The following CREBBP variants were observed in gnomAD, a reference collection of about 807,000 sequenced individuals.
The protein encoded by CREBBP is CREB-binding protein.
CREBBP carries 19 observed loss-of-function variants against 265.0 expected under a neutral mutation model. The observed-to-expected ratio is 0.07, with a 90% CI of 0.05 to 0.11. The LOEUF is 0.11. Among genes scored for constraint, CREBBP ranks in the 10% least tolerant of loss-of-function variants. CREBBP has a pLI of 1.00. For missense variants in CREBBP, 2,525 were observed against 3,219.0 expected, an observed-to-expected ratio of 0.78 and a Z score of 5.22; for synonymous variants, 1,457 against 1,223.7, an observed-to-expected ratio of 1.19 and a Z score of -3.98.
chr16:3,814,199 GAGACAGAGTCTCGTTC>G (rs2053992424), intron 2 of CREBBP, among the ~76,000 whole-genome samples: 8 of 144,432 alleles, frequency 5.5e-5, no homozygotes, highest in African/African-American at 1.9e-4. Context: ...GTGTGTGTTT[GAGACAGAGTCTCGTTC>G]TGTGTGTGTG....
Position 3,728,427 on chromosome 16 carries a change from T to G in CREBBP, c.6620A>C (p.Gln2207Pro), listed in dbSNP as rs2151302735. Residue 2207 changes from glutamine (Q) to proline (P), a missense_variant, in exon 31 of 31, where the codon CAA (glutamine) becomes CCA (proline). Gln to Pro is a moderately conservative substitution (Grantham distance 76). This residue lies in a region of CREBBP where 473 missense variants were observed against 459.3 expected (regional missense o/e 1.03). Coordinates refer to ENST00000262367, the MANE Select transcript of CREBBP (RefSeq NM_004380.3). This position sits in a 1 kb window ranked among gnomAD's most constrained non-coding sequence, Gnocchi z 8.7. ...CTGCTGCTGCTGTTGCTGCTGTTGT[T>G]GCTGCTGCTGTTGCTGCTGCTGCTG... ...LLQQQQQQQQQQQQQQQQQQG... is the reference protein window; with the variant it reads ...LLQQQQQQQQPQQQQQQQQQG... The G allele has an allele frequency of 6.2e-7, 1 of 1,612,574 alleles. No individual in the cohort carries two copies.
chr16:3,830,031 G>C (rs139455573), intron 2 of CREBBP, among the ~76,000 whole-genome samples: 2 of 152,266 alleles, frequency 1.3e-5, no homozygotes, highest in East Asian at 3.9e-4. Flanking sequence ...ACAATTAAAA[G>C]ACTAAGGTTA....
chr16:3,810,476 C>T, intron 3 of CREBBP, 127 bp downstream of exon 3: 1 of 1,089,254 alleles, frequency 9.2e-7, no homozygotes, highest in Non-Finnish European at 1.4e-6. Flanking sequence ...CATGAGAAAT[C>T]TGGGTTCTCT....
chr16:3,785,099 C>A (rs2053355228), intron 5 of CREBBP, among the ~76,000 whole-genome samples: 1 of 152,182 alleles, frequency 6.6e-6, no homozygotes, highest in South Asian at 2.1e-4. Context: ...GACACAAATA[C>A]TGAAGGGTAA....
At position 3,850,387 on chromosome 16, in the gene CREBBP, G is replaced by C. The variant is rs1455123577; in HGVS notation, c.708C>G (p.Ser236Arg). ...YPTPAMQGASSSVLAETLTQV... is the reference protein window; with the variant it reads ...YPTPAMQGASRSVLAETLTQV... ...GCGTTAGGGTCTCAGCCAGCACGCT[G>C]CTCGAGGCGCCCTGCATGGCTGGAG... The change falls in exon 2 of 31, where the codon AGC (serine) becomes AGG (arginine). Residue 236 changes from serine to arginine, a missense_variant. Ser to Arg is a moderately radical substitution (Grantham distance 110). Around this residue, in one of 19 missense-constraint regions of CREBBP, gnomAD observed 356 missense variants for 340.4 expected, o/e 1.05. Coordinates refer to ENST00000262367, the MANE Select transcript of CREBBP (RefSeq NM_004380.3). 1.2e-6 allele frequency: 2 copies of C among 1,614,120 alleles called. No homozygotes were observed. The highest frequency in any genetic ancestry group is 1.7e-6 in the Non-Finnish European group (2 of 1,180,050).
intron 1 of CREBBP, among the ~76,000 whole-genome samples, chr16:3,866,436 T>A (rs1464708806): frequency 6.6e-6 from 1 of 152,182 alleles, no homozygotes; most frequent in East Asian, 1.9e-4. Flanking sequence ...TAGGGGTAAT[T>A]TGTACTTTGT....
chr16:3,738,703 G>T (rs770393718), intron 25 of CREBBP, 31 bp from the exon 26 acceptor site: 2 of 1,380,618 alleles, frequency 1.4e-6, no homozygotes, highest in South Asian at 1.2e-5. Flanking sequence ...TTTAACTCAG[G>T]GTATCCCTCA....
intron 13 of CREBBP, chr16:3,773,500 A>C: frequency 1.9e-6 from 1 of 526,822 alleles, no homozygotes; most frequent in Non-Finnish European, 3.4e-6. Context: ...AAAACACAAA[A>C]GCATACAAAC....
At chr16:3,826,212 C>CGGCG (rs2054233924) in intron 2 of CREBBP, among the ~76,000 whole-genome samples, 3 of 152,094 alleles carry the variant, frequency 2.0e-5, no homozygotes, top group Admixed American at 2.0e-4. Flanking sequence ...GACCCAGTCT[C>CGGCG]GGCGGGCGGG....
chr16:3,800,309 G>C (rs2053687229), intron 3 of CREBBP, among the ~76,000 whole-genome samples: 2 of 152,136 alleles, frequency 1.3e-5, no homozygotes, highest in South Asian at 4.1e-4. Flanking sequence ...TGTAGAGACA[G>C]AGTCTTGCCA....
chr16:3,879,620 G>A (rs2055480709), intron 1 of CREBBP, among the ~76,000 whole-genome samples: 4 of 152,292 alleles, frequency 2.6e-5, no homozygotes, highest in Middle Eastern at 6.8e-3. Context: ...CGGGGAGGCC[G>A]AGTGCACCGG....
intron 19 of CREBBP, among the ~76,000 whole-genome samples, chr16:3,752,994 A>G (rs1286634665): frequency 2.6e-5 from 4 of 152,238 alleles, no homozygotes; most frequent in Admixed American, 2.6e-4. Context: ...AGAATAAACA[A>G]GCGGGTGGAG....
chr16:3,726,393 G>A lies in CREBBP; in HGVS notation c.*1325C>T, dbSNP rs1459674157. On this transcript the variant is annotated 3_prime_UTR_variant, in exon 31 of 31. Coordinates refer to ENST00000262367, the MANE Select transcript of CREBBP (RefSeq NM_004380.3). ...CGACAATCACCTGTGAGCCTCGAAT[G>A]TGTGGGGCCAACGCTGAGCCGCCCA... 1 of 233,358 alleles carries A rather than the reference G, an allele frequency of 4.3e-6. No individual in the cohort carries two copies. Among genetic ancestry groups the A allele is most frequent in the Non-Finnish European group, 8.5e-6 (1 of 118,090 alleles). 14.5% of individuals were successfully genotyped at this position (233,358 alleles called of 1,614,324 possible).
At position 3,726,901 on chromosome 16, in the gene CREBBP, TCTC is replaced by T. The variant is rs2051760285; in HGVS notation, c.*814_*816del. ...ACCATTCTATACAGTGATTGAATCT[TCTC>T]GAGTTTCGTATTTATAGGAATTAGA... is the stretch of plus-strand genomic sequence containing the variant. On this transcript the variant is annotated 3_prime_UTR_variant, in exon 31 of 31. Coordinates refer to ENST00000262367, the MANE Select transcript of CREBBP (RefSeq NM_004380.3). The T allele has an allele frequency of 4.3e-6, 1 of 233,518 alleles. No individual in the cohort carries two copies. Among genetic ancestry groups the T allele is most frequent in the African/African-American group, 2.2e-5 (1 of 45,348 alleles). The allele number at this position is 233,518 out of a possible 1,614,324, so 14.5% of individuals were successfully genotyped here. A position where few individuals can be genotyped will look rare whatever the true frequency, so the allele number is the denominator to read the frequency against.
intron 28 of CREBBP, 127 bp downstream of exon 28, chr16:3,735,909 C>T (rs544287374): frequency 1.6e-5 from 24 of 1,473,698 alleles, no homozygotes; most frequent in Admixed American, 8.7e-5. Context: ...CAGGTGGTGT[C>T]GACGTGCATG....
intron 16 of CREBBP, 93 bp from the exon 17 acceptor site, chr16:3,759,065 T>A (rs899404669): frequency 2.0e-6 from 2 of 998,732 alleles, no homozygotes; most frequent in South Asian, 1.3e-5. Flanking sequence ...TGCTGTGACA[T>A]CCCAGCCACG....
chr16:3,861,655 A>C (rs2141546620), intron 1 of CREBBP, among the ~76,000 whole-genome samples: 1 of 140,348 alleles, frequency 7.1e-6, no homozygotes. Flanking sequence ...TCTATACCAA[A>C]AAAAAAAAAA....
At chr16:3,773,998 C>T in intron 12 of CREBBP, 68 bp from the exon 13 acceptor site, 1 of 1,551,316 alleles carries the variant, frequency 6.4e-7, no homozygotes, top group Non-Finnish European at 8.9e-7. Flanking sequence ...CAAGGTGAGC[C>T]AGAATGATCC....
Position 3,736,037 on chromosome 16 carries a change from T to A in CREBBP, c.4727A>T (p.Glu1576Val). ...EESTAASETT[E>V]GSQGDSKNAK... ...TGGAGCTCAGAGAAGGGTCTGTACC[T>A]CAGTGGTTTCACTGGCTGCAGTGCT... The change falls in exon 28 of 31, where the codon GAG (glutamate) becomes GTG (valine). Residue 1576 changes from glutamate to valine, a missense_variant and splice_region_variant. By Grantham distance (121) the Glu-to-Val change is moderately radical (BLOSUM62 -2). Coordinates refer to ENST00000262367, the MANE Select transcript of CREBBP (RefSeq NM_004380.3). 1 of 1,614,218 alleles carries A rather than the reference T, an allele frequency of 6.2e-7. No individual in the cohort carries two copies. Among genetic ancestry groups the A allele is most frequent in the Non-Finnish European group, 8.5e-7 (1 of 1,180,028 alleles).
Sources: gnomAD v4.1 joint callset for allele counts (sites outside exome capture counted in the v4.1 genomes callset) on GRCh38, gnomAD v4.1.1 for gene constraint, gnomAD v4.1.1 regional missense constraint, Gnocchi (gnomAD v3.1) non-coding constraint, MANE v1.5 for transcripts, NCBI Gene and HGNC (gene_info 2026-07-23, HGNC 2026-07-21) for gene names.